Variants in THADA observed in about 807,000 individuals in gnomAD.
THADA encodes THADA armadillo repeat containing, also known as tRNA (32-2'-O)-methyltransferase regulator THADA.
Under a neutral mutation model 219.8 loss-of-function variants are expected in THADA, and 213 were observed. The ratio of observed to expected loss-of-function variants is 0.97; its 90% confidence interval spans 0.87 to 1.09. The LOEUF (loss-of-function observed/expected upper bound fraction) is 1.09. Ranked by LOEUF, THADA falls within the 50% of genes least tolerant of loss-of-function variation. The pLI is 0.00. For synonymous variants in THADA, 1,018 were observed against 828.9 expected, an observed-to-expected ratio of 1.23 and a Z score of -3.92; for missense variants, 2,956 against 2,311.3, an observed-to-expected ratio of 1.28 and a Z score of -5.72.
intron 26 of THADA, among the ~76,000 whole-genome samples, chr2:43,448,339 T>A (rs1302343134): frequency 6.6e-6 from 1 of 152,224 alleles, no homozygotes. Flanking sequence ...ACTATGCACA[T>A]GCTCCAGGAT....
At chr2:43,570,270 G>T in intron 14 of THADA, 118 bp downstream of exon 14, 1 of 1,071,158 alleles carries the variant, frequency 9.3e-7, no homozygotes, top group Non-Finnish European at 1.3e-6. Flanking sequence ...TCAGCTTGAA[G>T]GAAAAAAACA....
intron 31 of THADA, among the ~76,000 whole-genome samples, chr2:43,314,511 A>G (rs552773048): frequency 2.0e-5 from 3 of 152,362 alleles, no homozygotes; most frequent in Non-Finnish European, 4.4e-5. Flanking sequence ...CAGAAAGTCC[A>G]TCTGTCAAAG....
intron 26 of THADA, among the ~76,000 whole-genome samples, chr2:43,463,561 T>C (rs184168209): frequency 6.6e-6 from 1 of 152,336 alleles, no homozygotes; most frequent in East Asian, 1.9e-4. Flanking sequence ...TTTTAAGTAT[T>C]TATTTTAGAA....
chr2:43,537,543 C>G (rs759126934), intron 21 of THADA, among the ~76,000 whole-genome samples: 2 of 152,144 alleles, frequency 1.3e-5, no homozygotes, highest in Non-Finnish European at 2.9e-5. Context: ...CAATTTAAGA[C>G]TTGTGAATAA....
chr2:43,584,646 T>C (rs1183803552), intron 7 of THADA, among the ~76,000 whole-genome samples: 3 of 152,162 alleles, frequency 2.0e-5, no homozygotes, highest in Non-Finnish European at 4.4e-5. Context: ...ACAATAGTAT[T>C]TCAGAAGCTG....
chr2:43,556,619 A>G (rs1697384484), intron 16 of THADA, 64 bp from the exon 17 acceptor site: 2 of 1,462,770 alleles, frequency 1.4e-6, no homozygotes, highest in Middle Eastern at 1.8e-4. Flanking sequence ...AAAAAATAGT[A>G]AATTTTTTAA....
intron 29 of THADA, among the ~76,000 whole-genome samples, chr2:43,345,266 G>T (rs544212842): frequency 2.0e-5 from 3 of 152,174 alleles, no homozygotes; most frequent in Non-Finnish European, 2.9e-5. Context: ...GATACGGAAG[G>T]GGGTAATGAG....
At chr2:43,561,210 TAAC>T (rs908810933) in intron 15 of THADA, among the ~76,000 whole-genome samples, 2 of 152,096 alleles carry the variant, frequency 1.3e-5, no homozygotes, top group South Asian at 4.1e-4. Context: ...CTCATCCCTA[TAAC>T]AACATGTAGT....
At chr2:43,285,959 G>T (rs1335580918) in intron 35 of THADA, among the ~76,000 whole-genome samples, 1 of 152,170 alleles carries the variant, frequency 6.6e-6, no homozygotes, top group Non-Finnish European at 1.5e-5. Context: ...CAGAAGCCTA[G>T]AAGTCATTCT....
chr2:43,455,746 C>T (rs958772306), intron 26 of THADA, among the ~76,000 whole-genome samples: 7 of 152,204 alleles, frequency 4.6e-5, no homozygotes, highest in African/African-American at 1.4e-4. Flanking sequence ...ACGCTTTCCA[C>T]TATGTAAATC....
At chr2:43,399,606 A>G (rs527822784) in intron 28 of THADA, among the ~76,000 whole-genome samples, 290 of 152,298 alleles carry the variant, frequency 1.9e-3, no homozygotes, top group African/African-American at 6.8e-3. Flanking sequence ...AGTTACGTCT[A>G]TTGGGTAGGT....
rs1010003158 is a variant in THADA at position 43,385,873 on chromosome 2, T to C, written c.4227+12098A>G. Among the ~76,000 whole-genome samples, 3 of 151,616 alleles carry C rather than the reference T, an allele frequency of 2.0e-5. No individual in the cohort carries two copies. In the East Asian group the frequency reaches 5.8e-4, roughly 29 times the overall value. ...AAAAACCTCTTAAATCCATTTGATA[T>C]TAAAAAAAAAAAACTCCAAACAAAT... On this transcript the variant is annotated intron_variant, in intron 29 of 37. Transcript: ENST00000405975.
rs1698882677 is a variant in THADA, at chr2:43,568,024, T to C, written c.2188-1203A>G. ...CTCCAAGCCTTCATTAAGCTACTAC[T>C]GGGGGTGGGGGGGAGAAAATACTGA... On this transcript the variant is annotated intron_variant, in intron 14 of 37. Coordinates refer to ENST00000405975, the MANE Select transcript of THADA (RefSeq NM_022065.5). Among the ~76,000 whole-genome samples, 4 of 149,882 alleles carry C rather than the reference T, an allele frequency of 2.7e-5. No individual in the cohort carries two copies. The South Asian group carries it at 8.6e-4, about 32-fold the overall frequency.
rs1696454413 is a variant in THADA, at chr2:43,549,206, T to C, written c.3106+4A>G. On this transcript the variant is annotated splice_donor_region_variant and intron_variant, in intron 20 of 37. Coordinates refer to ENST00000405975, the MANE Select transcript of THADA (RefSeq NM_022065.5). ...AATTACAGTATCCATTTTATACAAG[T>C]TACCTTTGATTTCTGTAGAAGTATC... is the stretch of plus-strand genomic sequence containing the variant. The C allele has an allele frequency of 1.9e-6, 3 of 1,558,998 alleles. No individual in the cohort carries two copies. Among genetic ancestry groups the C allele is most frequent in the Admixed American group, 2.1e-5 (1 of 47,890 alleles).
intron 27 of THADA, among the ~76,000 whole-genome samples, 167 bp downstream of exon 27, chr2:43,430,041 CACTGT>C (rs1160280366): frequency 2.0e-5 from 3 of 151,964 alleles, no homozygotes; most frequent in Middle Eastern, 3.4e-3. Context: ...TGGTGGCCAC[CACTGT>C]ACTCCAGCTT....
chr2:43,285,797 C>T (rs537496459), intron 35 of THADA, among the ~76,000 whole-genome samples: 11 of 152,164 alleles, frequency 7.2e-5, no homozygotes, highest in South Asian at 2.1e-4. Flanking sequence ...GTGATCCACC[C>T]GCCTCAGCCT....
chr2:43,278,284 T>C (rs1672957831), intron 36 of THADA, among the ~76,000 whole-genome samples: 1 of 152,102 alleles, frequency 6.6e-6, no homozygotes, highest in African/African-American at 2.4e-5. Context: ...GATCAATCAA[T>C]TGCCTAACTT....
At chr2:43,456,525 A>T (rs1683016646) in intron 26 of THADA, among the ~76,000 whole-genome samples, 1 of 152,056 alleles carries the variant, frequency 6.6e-6, no homozygotes, top group Non-Finnish European at 1.5e-5. Flanking sequence ...GATTCATTCA[A>T]CCTTGCTAAA....
intron 25 of THADA, among the ~76,000 whole-genome samples, chr2:43,493,475 C>T (rs534547305): frequency 6.6e-6 from 1 of 152,080 alleles, no homozygotes; most frequent in Non-Finnish European, 1.5e-5. Context: ...AGCCTGGCGA[C>T]AGAGCAAGAC....
Sources: allele counts gnomAD v4.1 joint callset (sites outside exome capture counted in the v4.1 genomes callset), GRCh38; gene constraint gnomAD v4.1.1; transcripts MANE v1.5; gene names NCBI Gene and HGNC (gene_info 2026-07-23, HGNC 2026-07-21).